PLB1: variants seen among roughly 807,000 people sequenced by gnomAD.
The protein encoded by PLB1 is phospholipase B1, membrane-associated.
Under a neutral mutation model 227.4 loss-of-function variants are expected in PLB1, and 242 were observed. The observed-to-expected ratio is 1.06, with a 90% CI of 0.96 to 1.18. The LOEUF is 1.18. Among genes scored for constraint, PLB1 ranks in the 50% most tolerant of loss-of-function variants. The pLI, the probability that PLB1 is intolerant of heterozygous loss-of-function variation, is 0.00. For missense variants in PLB1, 1,858 were observed against 1,816.3 expected (o/e 1.02, Z -0.42); for synonymous variants, 757 against 682.2 (o/e 1.11, Z -1.71).
chr2:28,604,185 C>A (rs747345671), intron 40 of PLB1, 138 bp downstream of exon 40: 3 of 769,276 alleles, frequency 3.9e-6, no homozygotes, highest in Non-Finnish European at 6.5e-6. Context: ...AGCCTGGGTG[C>A]CTTCCTCTGT....
intron 17 of PLB1, among the ~76,000 whole-genome samples, chr2:28,556,452 A>C (rs1675141739): frequency 6.6e-6 from 1 of 152,202 alleles, no homozygotes; most frequent in Non-Finnish European, 1.5e-5. Context: ...GTAAAAACTA[A>C]AAACTTGCAA....
chr2:28,497,191 T>G (rs2148149032), intron 1 of PLB1, among the ~76,000 whole-genome samples: 1 of 152,388 alleles, frequency 6.6e-6, no homozygotes, highest in East Asian at 1.9e-4. Context: ...ATATATGCTG[T>G]GTACTAGCTC....
At chr2:28,591,618 A>G in intron 30 of PLB1, 82 bp from the exon 31 acceptor site, 1 of 1,431,116 alleles carries the variant, frequency 7.0e-7, no homozygotes, top group South Asian at 1.2e-5. Context: ...TGTATTTTTC[A>G]AAGTTCTTGG....
At chr2:28,544,185 A>T (rs537581662) in intron 14 of PLB1, among the ~76,000 whole-genome samples, 1 of 152,236 alleles carries the variant, frequency 6.6e-6, no homozygotes, top group East Asian at 1.9e-4. Context: ...AGTCCCTGGC[A>T]CTGGAAACCT....
Position 28,614,103 on chromosome 2 carries a change from C to G in PLB1, c.3195+7C>G. The G allele has an allele frequency of 6.2e-7, 1 of 1,607,690 alleles. No individual in the cohort carries two copies. ...CATCAAGCCAGCCATTGAGGTAACC[C>G]CTGACTCACATCTGCCTCTCTCAGA... On this transcript the variant is annotated splice_region_variant and intron_variant, in intron 44 of 57. Transcript: ENST00000327757.
chr2:28,514,665 A>T (rs973973387), intron 1 of PLB1, among the ~76,000 whole-genome samples: 2 of 152,132 alleles, frequency 1.3e-5, no homozygotes, highest in Admixed American at 6.5e-5. Context: ...AATCTAAAAT[A>T]TTGACTTTCT....
chr2:28,556,638 C>A (rs1026871066), intron 17 of PLB1, among the ~76,000 whole-genome samples: 1 of 151,932 alleles, frequency 6.6e-6, no homozygotes, highest in African/African-American at 2.4e-5. Context: ...ATTTTCCCAG[C>A]GAGAAAAGGA....
At chr2:28,628,891 C>T (rs186534645) in intron 52 of PLB1, among the ~76,000 whole-genome samples, 1 of 152,338 alleles carries the variant, frequency 6.6e-6, no homozygotes, top group East Asian at 1.9e-4. Flanking sequence ...GGGCAAGTGA[C>T]TTCCCTGTGT....
intron 20 of PLB1, among the ~76,000 whole-genome samples, chr2:28,568,453 T>C (rs570258987): frequency 6.6e-6 from 1 of 152,346 alleles, no homozygotes; most frequent in African/African-American, 2.4e-5. Flanking sequence ...TAGACTCTTC[T>C]TGCTAGAGAT....
At chr2:28,518,201 ATTC>A (rs968423458) in intron 2 of PLB1, among the ~76,000 whole-genome samples, 13 of 152,172 alleles carry the variant, frequency 8.5e-5, no homozygotes, top group Non-Finnish European at 1.3e-4. Context: ...GAACTTTCTC[ATTC>A]TTCTTCATCT....
chr2:28,635,421 A>C (rs1689176449), intron 56 of PLB1, among the ~76,000 whole-genome samples: 1 of 152,188 alleles, frequency 6.6e-6, no homozygotes, highest in Admixed American at 6.5e-5. Flanking sequence ...TGCCCAACAT[A>C]ACACAGACTG....
chr2:28,617,609 G>A (rs933624860), intron 44 of PLB1, 118 bp from the exon 45 acceptor site: 21 of 944,924 alleles, frequency 2.2e-5, no homozygotes, highest in South Asian at 1.2e-4. Flanking sequence ...ACATGATCCT[G>A]TATGGTGACT....
intron 11 of PLB1, among the ~76,000 whole-genome samples, chr2:28,539,898 C>T (rs180932276): frequency 2.4e-4 from 37 of 151,676 alleles, no homozygotes; most frequent in African/African-American, 8.5e-4. Context: ...GAAGAGCTTT[C>T]CTCCATTCCA....
At chr2:28,628,650 C>G (rs78394306) in intron 52 of PLB1, 22 bp downstream of exon 52, 42,139 of 1,612,766 alleles carry the variant, frequency 0.026, 979 homozygotes, top group African/African-American at 0.11. Context: ...GTTACGTGTT[C>G]CTGGGTCCCG....
At chr2:28,594,079 TAC>T (rs1558863886) in intron 33 of PLB1, 2 of 653,006 alleles carry the variant, frequency 3.1e-6, no homozygotes, top group African/African-American at 1.8e-5. Flanking sequence ...CTTGCATGTA[TAC>T]GTGTACACGT....
intron 17 of PLB1, among the ~76,000 whole-genome samples, chr2:28,556,560 G>A (rs140186401): frequency 0.01 from 1,587 of 152,292 alleles, 78 homozygotes; most frequent in Admixed American, 0.096. Context: ...TCCATTGCTA[G>A]ACGGCCCTCT....
At chr2:28,631,412 A>G (rs560274732) in intron 54 of PLB1, among the ~76,000 whole-genome samples, 1 of 152,184 alleles carries the variant, frequency 6.6e-6, no homozygotes, top group Admixed American at 6.5e-5. Context: ...ATCTCCCCAT[A>G]TCACATTCAG....
chr2:28,558,648 G>GGGTGCATGTGTGCAT (rs1270516936), intron 17 of PLB1, among the ~76,000 whole-genome samples: 1 of 152,082 alleles, frequency 6.6e-6, no homozygotes, highest in African/African-American at 2.4e-5. Flanking sequence ...TCATGTGGAA[G>GGGTGCATGTGTGCAT]GGTGCATGTG....
At position 28,620,147 on chromosome 2, in the gene PLB1, G is replaced by T. The variant is rs559622465; in HGVS notation, c.3316-118G>T. The T allele has an allele frequency of 8.2e-4, 493 of 601,752 alleles. 1 individual carries two copies. Among genetic ancestry groups the T allele is most frequent in the Non-Finnish European group, 1.3e-3 (441 of 350,732 alleles). 37.3% of individuals were successfully genotyped at this position (601,752 alleles called of 1,614,324 possible). A position where few individuals can be genotyped will look rare whatever the true frequency, so the allele number is the denominator to read the frequency against. Reference sequence around the variant, plus strand: ...GTTTAATATGGCCTGGAGAAAAGCCGGTACTATTTTTAGAAAAGGCAAATC... The same window carrying T: ...GTTTAATATGGCCTGGAGAAAAGCCTGTACTATTTTTAGAAAAGGCAAATC... On this transcript the variant is annotated intron_variant, in intron 46 of 57. Coordinates refer to ENST00000327757, the MANE Select transcript of PLB1 (RefSeq NM_153021.5).
Sources: allele counts gnomAD v4.1 joint callset (sites outside exome capture counted in the v4.1 genomes callset), GRCh38; gene constraint gnomAD v4.1.1; transcripts MANE v1.5; gene names NCBI Gene and HGNC (gene_info 2026-07-23, HGNC 2026-07-21).